The following AATF variants were observed in gnomAD, a reference collection of about 807,000 sequenced individuals.
The protein encoded by AATF is protein AATF.
A neutral mutation model predicts 63.7 loss-of-function variants in AATF; 48 were observed. The observed-to-expected ratio is 0.75, with a 90% CI of 0.60 to 0.96. AATF has a LOEUF of 0.96. Among genes scored for constraint, AATF ranks in the 40% least tolerant of loss-of-function variants. The pLI is 0.00. For synonymous variants in AATF, 258 were observed against 247.7 expected (o/e 1.04, Z -0.39); for missense variants, 639 against 685.7 (o/e 0.93, Z 0.76).
intron 8 of AATF, among the ~76,000 whole-genome samples, chr17:37,014,267 G>A (rs1567984295): frequency 6.9e-6 from 1 of 145,064 alleles, no homozygotes; most frequent in South Asian, 2.2e-4. Flanking sequence ...GACTGTCTTA[G>A]TAATAATAAT....
At chr17:36,982,300 G>T (rs1187464914) in intron 4 of AATF, among the ~76,000 whole-genome samples, 1 of 146,834 alleles carries the variant, frequency 6.8e-6, no homozygotes, top group Non-Finnish European at 1.5e-5. Context: ...ATACAACGAT[G>T]AACTGTGATG....
At chr17:36,956,347 A>T (rs892265694) in intron 4 of AATF, among the ~76,000 whole-genome samples, 3 of 152,188 alleles carry the variant, frequency 2.0e-5, no homozygotes, top group Admixed American at 6.5e-5. Context: ...AATATGTTGT[A>T]TACTCCCCTG....
chr17:36,950,356 A>G lies in AATF; in HGVS notation c.234A>G (p.Arg78=). The change falls in exon 2 of 12, where the codon AGA becomes AGG. Residue 78 remains arginine, a synonymous_variant. Transcript: ENST00000619387. ...DKRYCGKTTS[R]KAWNEDHWEQ... The stretch of plus-strand genomic sequence containing the variant: ...GGTATTGCGGCAAAACCACCTCTAG[A>G]AAAGCATGGAATGAAGACCATTGGG... The G allele has an allele frequency of 1.2e-6, 2 of 1,614,194 alleles. No homozygotes were observed. Among genetic ancestry groups the G allele is most frequent in the Non-Finnish European group, 1.7e-6 (2 of 1,180,024 alleles).
intron 8 of AATF, among the ~76,000 whole-genome samples, chr17:36,996,412 C>T (rs1021351263): frequency 2.6e-5 from 4 of 151,730 alleles, no homozygotes; most frequent in African/African-American, 7.3e-5. Flanking sequence ...CCAGCCTGGG[C>T]GACAGAGAAT....
intron 8 of AATF, among the ~76,000 whole-genome samples, chr17:36,995,273 C>A (rs1052606949): frequency 1.3e-5 from 2 of 152,190 alleles, no homozygotes; most frequent in African/African-American, 4.8e-5. Flanking sequence ...ATGTCTATAA[C>A]TGACCTTGCC....
intron 7 of AATF, 100 bp downstream of exon 7, chr17:36,989,511 T>C: frequency 8.1e-7 from 1 of 1,232,860 alleles, no homozygotes; most frequent in East Asian, 2.5e-5. Flanking sequence ...AAGAGGTTAG[T>C]GAGAGAAAGG....
intron 10 of AATF, among the ~76,000 whole-genome samples, chr17:37,026,016 A>G (rs1466873640): frequency 6.6e-6 from 1 of 152,222 alleles, no homozygotes; most frequent in Admixed American, 6.5e-5. Context: ...AAAAAGACAT[A>G]TCTATACCCC....
chr17:36,973,025 G>A (rs914129352), intron 4 of AATF, among the ~76,000 whole-genome samples: 4 of 152,102 alleles, frequency 2.6e-5, no homozygotes, highest in Non-Finnish European at 5.9e-5. Flanking sequence ...GCATGTTCCC[G>A]CAGGATCTGT....
chr17:37,046,256 C>T (rs1012414298), intron 11 of AATF, among the ~76,000 whole-genome samples: 3 of 151,860 alleles, frequency 2.0e-5, no homozygotes, highest in Non-Finnish European at 4.4e-5. Flanking sequence ...GGCAGGGGAG[C>T]GGGGACTCGG....
At chr17:36,957,498 T>G (rs1369489260) in intron 4 of AATF, among the ~76,000 whole-genome samples, 1 of 152,252 alleles carries the variant, frequency 6.6e-6, no homozygotes, top group African/African-American at 2.4e-5. Flanking sequence ...ATTAACTAAT[T>G]GTTCTGGAAA....
Position 36,986,699 on chromosome 17 carries a change from T to C in AATF, c.915T>C (p.Tyr305=), listed in dbSNP as rs114952203. Residue 305 remains tyrosine (Y), a synonymous_variant, in exon 5 of 12, where the codon TAT becomes TAC. Transcript: ENST00000619387. The part of the protein sequence containing the change: ...ELLFQYPDTR[Y]LVDGTKPNAG... The stretch of plus-strand genomic sequence containing the variant: ...TTTTCCAGTACCCAGACACTAGATA[T>C]CTAGTAGATGGGACAAAGCCCAATG... The C allele has an allele frequency of 1.2e-6, 2 of 1,614,176 alleles. No homozygotes were observed. Among genetic ancestry groups the C allele is most frequent in the East Asian group, 2.2e-5 (1 of 44,884 alleles).
At chr17:37,032,483 GA>G (rs1470259971) in intron 11 of AATF, among the ~76,000 whole-genome samples, 1 of 152,168 alleles carries the variant, frequency 6.6e-6, no homozygotes, top group Non-Finnish European at 1.5e-5. Flanking sequence ...TTCCAGCCCT[GA>G]AATCAGTCTT....
intron 8 of AATF, among the ~76,000 whole-genome samples, chr17:37,009,794 G>A (rs886850569): frequency 1.4e-5 from 2 of 141,520 alleles, no homozygotes; most frequent in African/African-American, 5.6e-5. Flanking sequence ...TCCGCAGTCT[G>A]GCCTGGGCGA....
intron 11 of AATF, among the ~76,000 whole-genome samples, chr17:37,052,020 G>A (rs1038080619): frequency 1.3e-5 from 2 of 152,102 alleles, no homozygotes; most frequent in African/African-American, 4.8e-5. Flanking sequence ...TCAGGTCCAA[G>A]TCCTGTTAAT....
intron 8 of AATF, among the ~76,000 whole-genome samples, chr17:37,002,722 C>T (rs1424821591): frequency 6.6e-6 from 1 of 151,242 alleles, no homozygotes; most frequent in Non-Finnish European, 1.5e-5. Context: ...TAAACTTAAC[C>T]TAGAAGATGA....
chr17:37,007,359 A>AT (rs71368436), intron 8 of AATF, among the ~76,000 whole-genome samples: 1,681 of 112,564 alleles, frequency 0.015, 45 homozygotes, highest in African/African-American at 0.039. Context: ...GGCTAATTTA[A>AT]TTTTTTTTTT....
intron 7 of AATF, 25 bp from the exon 8 acceptor site, chr17:36,990,749 C>G: frequency 1.3e-6 from 2 of 1,489,068 alleles, no homozygotes; most frequent in South Asian, 1.2e-5. Context: ...GGGATTCACT[C>G]TTTTCTTACT....
At chr17:36,976,320 A>G (rs1445635710) in intron 4 of AATF, among the ~76,000 whole-genome samples, 1 of 152,226 alleles carries the variant, frequency 6.6e-6, no homozygotes, top group Non-Finnish European at 1.5e-5. Context: ...TCTACCTCAA[A>G]GGATTGTTAG....
intron 11 of AATF, among the ~76,000 whole-genome samples, chr17:37,048,832 T>C (rs1416063464): frequency 6.6e-6 from 1 of 152,206 alleles, no homozygotes; most frequent in East Asian, 1.9e-4. Flanking sequence ...TTCTCAAATA[T>C]CTTTCTCTCA....
Sources: allele counts gnomAD v4.1 joint callset (sites outside exome capture counted in the v4.1 genomes callset), GRCh38; gene constraint gnomAD v4.1.1; transcripts MANE v1.5; gene names NCBI Gene and HGNC (gene_info 2026-07-23, HGNC 2026-07-21).